PRMT7: variants seen among roughly 807,000 people sequenced by gnomAD.
The protein encoded by PRMT7 is protein arginine methyltransferase 7.
A neutral mutation model predicts 85.4 loss-of-function variants in PRMT7; 75 were observed. The ratio of observed to expected loss-of-function variants is 0.88; its 90% CI spans 0.73 to 1.06. The LOEUF (loss-of-function observed/expected upper bound fraction) is 1.06, where lower values mean the gene tolerates loss of function less well. PRMT7 is among the 50% of genes least tolerant of loss of function. PRMT7 has a pLI of 0.00. For missense variants in PRMT7, 868 were observed against 915.2 expected, an observed-to-expected ratio of 0.95 and a Z score of 0.67; for synonymous variants, 397 against 359.5, an observed-to-expected ratio of 1.10 and a Z score of -1.18.
chr16:68,322,857 C>T (rs1341051024), intron 4 of PRMT7, among the ~76,000 whole-genome samples: 1 of 151,906 alleles, frequency 6.6e-6, no homozygotes, highest in African/African-American at 2.4e-5. Flanking sequence ...ATGGTGAAAC[C>T]CCGTCCCTAC....
rs369851076 is a variant in PRMT7 at position 68,339,354 on chromosome 16, C to T, written c.537C>T (p.Thr179=). 40 of 1,614,046 alleles carry T rather than the reference C, an allele frequency of 2.5e-5. No homozygotes were observed. Among genetic ancestry groups the T allele is most frequent in the Middle Eastern group, 1.6e-4 (1 of 6,084 alleles). Reference sequence around the variant, plus strand: ...GTGAGGCCGTGCCCCACAGAGCCACCGTCTATGCACAGCTGGTGGAGTCCG... The same window carrying T: ...GTGAGGCCGTGCCCCACAGAGCCACTGTCTATGCACAGCTGGTGGAGTCCG... ...ENCEAVPHRA[T]VYAQLVESGR... Residue 179 remains threonine, a synonymous_variant, in exon 8 of 19, where the codon ACC becomes ACT. Transcript: ENST00000441236.
At position 68,353,559 on chromosome 16, in the gene PRMT7, T is replaced by C; in HGVS notation, c.1643T>C (p.Met548Thr). 1 of 1,579,894 alleles carries C rather than the reference T, an allele frequency of 6.3e-7. No homozygotes were observed. The highest frequency in any genetic ancestry group is 8.6e-7 in the Non-Finnish European group (1 of 1,163,752). Reference sequence around the variant, plus strand: ...TTCGACGTGCACATCATGGACGACATGATTAAGGTAGGCAGGGCCACACTC... The same window carrying C: ...TTCGACGTGCACATCATGGACGACACGATTAAGGTAGGCAGGGCCACACTC... ...EGFDVHIMDD[M>T]IKRALDFRES... Residue 548 changes from methionine (M) to threonine (T), a missense_variant, in exon 16 of 19, where the codon ATG (methionine) becomes ACG (threonine). By Grantham distance (81) the Met-to-Thr change is moderately conservative. Transcript: ENST00000441236.
chr16:68,348,846 C>T (rs532377842), intron 14 of PRMT7, among the ~76,000 whole-genome samples: 3 of 151,892 alleles, frequency 2.0e-5, no homozygotes, highest in Admixed American at 2.0e-4. Context: ...ATCATGTGGC[C>T]CAGGCTGGTC....
intron 2 of PRMT7, chr16:68,315,505 T>C: frequency 5.8e-6 from 1 of 172,746 alleles, no homozygotes; most frequent in Admixed American, 6.4e-5. Flanking sequence ...AGCTAAGGGT[T>C]CAGCATACGA....
At chr16:68,341,430 A>G (rs1388692945) in intron 9 of PRMT7, among the ~76,000 whole-genome samples, 1 of 152,160 alleles carries the variant, frequency 6.6e-6, no homozygotes, top group Non-Finnish European at 1.5e-5. Context: ...TTGTTTTGAG[A>G]TGGAGTTTCG....
rs1015407689 is a variant in PRMT7, at chr16:68,347,231, G to A, written c.1212G>A (p.Val404=). The A allele has an allele frequency of 3.3e-5, 52 of 1,553,040 alleles. No individual in the cohort carries two copies. The highest frequency in any genetic ancestry group is 4.4e-5 in the Non-Finnish European group (51 of 1,147,456). The change falls in exon 12 of 19, where the codon GTG becomes GTA. Residue 404 remains valine, a synonymous_variant. Coordinates refer to ENST00000441236, the MANE Select transcript of PRMT7 (RefSeq NM_019023.5). The part of the protein sequence containing the change: ...ALRTVLKPDS[V]CLCVSDGSLL... ...CGCAGGTGCTGAAGCCAGACAGCGT[G>A]TGCCTGTGTGTCAGCGATGGCAGCC...
rs1049948324 is a variant in PRMT7 at position 68,352,191 on chromosome 16, A to G, written c.1414-57A>G. The G allele has an allele frequency of 2.6e-5, 41 of 1,547,806 alleles. No homozygotes were observed. In the African/African-American group the frequency reaches 5.2e-4, roughly 20 times the overall value. On this transcript the variant is annotated intron_variant, in intron 14 of 18. Transcript: ENST00000441236. Reference sequence around the variant, plus strand: ...GCCTGTTGCTTCCGTGTTCCTGTTAACACTCCTGGACCGAGCCCTACTGAC... The same window carrying G: ...GCCTGTTGCTTCCGTGTTCCTGTTAGCACTCCTGGACCGAGCCCTACTGAC...
Position 68,339,876 on chromosome 16 carries a change from C to T in PRMT7, c.835C>T (p.Leu279Phe). 5.0e-6 allele frequency: 8 copies of T among 1,614,212 alleles called. No homozygotes were observed. Among genetic ancestry groups the T allele is most frequent in the Non-Finnish European group, 6.8e-6 (8 of 1,180,038 alleles). ...PLTSGRAQVV[L>F]SWWDIEMDPE... ...GACATCTGGCCGAGCTCAGGTGGTT[C>T]TCTCGTGGTGGGACATTGAAATGGA... The change falls in exon 9 of 19, where the codon CTC becomes TTC. Residue 279 changes from leucine to phenylalanine, a missense_variant. Leu to Phe is a conservative substitution (Grantham distance 22). Coordinates refer to ENST00000441236, the MANE Select transcript of PRMT7 (RefSeq NM_019023.5).
chr16:68,318,129 C>T (rs1027277537), intron 3 of PRMT7, among the ~76,000 whole-genome samples: 2 of 151,794 alleles, frequency 1.3e-5, no homozygotes, highest in African/African-American at 4.8e-5. Flanking sequence ...ATACAATTAT[C>T]TTAGAATTGT....
rs751233188 is a variant in PRMT7, at chr16:68,324,811, C to T, written c.261C>T (p.Ala87=). Residue 87 remains alanine, a synonymous_variant, in exon 5 of 19, where the codon GCC becomes GCT. Coordinates refer to ENST00000441236, the MANE Select transcript of PRMT7 (RefSeq NM_019023.5). ...CAATGATGGCGGTCACAGCAGGTGC[C>T]GACTTCTGCTATGCCATCGAGGTAA... is the stretch of plus-strand genomic sequence containing the variant. The part of the protein sequence containing the change: ...LLSMMAVTAG[A]DFCYAIEVFK... 3.7e-5 allele frequency: 60 copies of T among 1,613,970 alleles called. No homozygotes were observed. In the East Asian group the frequency reaches 1.0e-3, roughly 28 times the overall value.
chr16:68,311,217 C>T lies in PRMT7; in HGVS notation c.-219+118C>T, dbSNP rs191228161. ...AGCCTAGCGTGGGCCTACTTGGACT[C>T]CTCCGCGTGGGGCAGCTCGGGACAC... is the stretch of plus-strand genomic sequence containing the variant. On this transcript the variant is annotated intron_variant, in intron 1 of 18. Coordinates refer to ENST00000441236, the MANE Select transcript of PRMT7 (RefSeq NM_019023.5). The T allele has an allele frequency of 9.9e-4, 525 of 528,914 alleles. 3 individuals carry two copies. Among genetic ancestry groups the T allele is most frequent in the African/African-American group, 1.1e-3 (59 of 52,294 alleles). 32.8% of individuals were successfully genotyped at this position (528,914 alleles called of 1,614,324 possible).
intron 2 of PRMT7, among the ~76,000 whole-genome samples, chr16:68,312,583 C>A (rs867349300): frequency 6.6e-6 from 1 of 152,078 alleles, no homozygotes; most frequent in African/African-American, 2.4e-5. Flanking sequence ...TGCAGTCTGA[C>A]GGCTAATACA....
chr16:68,313,021 C>T (rs932760310), intron 2 of PRMT7, among the ~76,000 whole-genome samples: 43 of 152,146 alleles, frequency 2.8e-4, no homozygotes, highest in African/African-American at 9.7e-4. Context: ...GACGGGGTTT[C>T]GCCATGTTGG....
chr16:68,331,310 T>G (rs910057667), intron 6 of PRMT7, among the ~76,000 whole-genome samples: 18 of 152,174 alleles, frequency 1.2e-4, no homozygotes, highest in Non-Finnish European at 2.2e-4. Flanking sequence ...TGAGCAGCAC[T>G]CTATTAGATA....
intron 4 of PRMT7, chr16:68,323,675 T>C (rs1597184959): frequency 6.6e-6 from 1 of 152,254 alleles, no homozygotes; most frequent in East Asian, 1.9e-4. Flanking sequence ...TGTTTTGCAT[T>C]GTGGTCAGAG....
intron 3 of PRMT7, among the ~76,000 whole-genome samples, chr16:68,319,705 A>AGAGTGTGTGTGTGT (rs1268725611): frequency 5.9e-5 from 3 of 50,766 alleles, no homozygotes; most frequent in African/African-American, 3.1e-4. Flanking sequence ...TCTCAATAAG[A>AGAGTGTGTGTGTGT]GTGAGAGTGT....
At chr16:68,313,770 G>GA (rs1163682131) in intron 2 of PRMT7, among the ~76,000 whole-genome samples, 8 of 152,220 alleles carry the variant, frequency 5.3e-5, no homozygotes, top group Non-Finnish European at 8.8e-5. Flanking sequence ...GATGGGTCCT[G>GA]ACCAGCAAGT....
At position 68,324,827 on chromosome 16, in the gene PRMT7, A is replaced by G. The variant is rs2082912108; in HGVS notation, c.277A>G (p.Ile93Val). Residue 93 changes from isoleucine (I) to valine (V), a missense_variant, in exon 5 of 19, where the codon ATC (isoleucine) becomes GTC (valine). Transcript: ENST00000441236. ...VTAGADFCYA[I>V]EVFKPMADAA... ...AGCAGGTGCCGACTTCTGCTATGCC[A>G]TCGAGGTAAGCCATTCCCTTCAGGT... is the stretch of plus-strand genomic sequence containing the variant. The G allele has an allele frequency of 1.2e-6, 2 of 1,613,990 alleles. No individual in the cohort carries two copies. The highest frequency in any genetic ancestry group is 2.2e-5 in the East Asian group (1 of 44,888).
At chr16:68,339,677 G>A in intron 8 of PRMT7, 111 bp from the exon 9 acceptor site, 2 of 1,580,280 alleles carry the variant, frequency 1.3e-6, no homozygotes, top group Middle Eastern at 3.3e-4. Context: ...TGCCTCGAAG[G>A]CAAGAGTCCT....
Sources: allele counts gnomAD v4.1 joint callset (sites outside exome capture counted in the v4.1 genomes callset), GRCh38; gene constraint gnomAD v4.1.1; transcripts MANE v1.5; gene names NCBI Gene and HGNC (gene_info 2026-07-23, HGNC 2026-07-21).